SLC6A11: variants seen among roughly 807,000 people sequenced by gnomAD.
The protein encoded by SLC6A11 is sodium- and chloride-dependent GABA transporter 3.
In SLC6A11, 25 loss-of-function variants were observed where a neutral mutation model predicts 74.8. That is an observed-to-expected ratio of 0.33 (90% confidence interval 0.24 to 0.47). The LOEUF is 0.47. SLC6A11 is among the 20% of genes least tolerant of loss of function. The pLI is 1.00. For synonymous variants in SLC6A11, 330 were observed against 330.2 expected (o/e 1.00, Z 0.01); for missense variants, 574 against 837.0 (o/e 0.69, Z 3.88).
chr3:10,834,129 T>G (rs968275552), intron 4 of SLC6A11, among the ~76,000 whole-genome samples: 1 of 152,216 alleles, frequency 6.6e-6, no homozygotes, highest in Admixed American at 6.5e-5. Context: ...TCTGAGGGCA[T>G]GAGAGATTAA....
chr3:10,866,035 G>C (rs1694759205), intron 5 of SLC6A11, among the ~76,000 whole-genome samples: 1 of 152,192 alleles, frequency 6.6e-6, no homozygotes, highest in Non-Finnish European at 1.5e-5. Flanking sequence ...GAGAACAGAA[G>C]CATAAACAGG....
intron 12 of SLC6A11, 80 bp downstream of exon 12, chr3:10,934,246 C>A: frequency 1.0e-6 from 1 of 975,436 alleles, no homozygotes; most frequent in Non-Finnish European, 1.6e-6. Context: ...TCCGTAGCCC[C>A]CACCCTGGCC....
chr3:10,879,408 A>G (rs1694948437), intron 6 of SLC6A11, among the ~76,000 whole-genome samples: 1 of 152,178 alleles, frequency 6.6e-6, no homozygotes, highest in Non-Finnish European at 1.5e-5. Flanking sequence ...GTGTGGCCTA[A>G]TTCCAACTGT....
chr3:10,837,563 G>T (rs1044104150), intron 4 of SLC6A11, among the ~76,000 whole-genome samples: 1 of 152,202 alleles, frequency 6.6e-6, no homozygotes, highest in Non-Finnish European at 1.5e-5. Context: ...AATAATAGCT[G>T]TCCTCACCTG....
intron 4 of SLC6A11, among the ~76,000 whole-genome samples, 156 bp from the exon 5 acceptor site, chr3:10,844,058 T>G (rs1350360797): frequency 6.6e-6 from 1 of 152,212 alleles, no homozygotes; most frequent in Non-Finnish European, 1.5e-5. Context: ...GTCTTGTTCC[T>G]CTTGGAGGCC....
At chr3:10,854,308 G>C (rs910707026) in intron 5 of SLC6A11, among the ~76,000 whole-genome samples, 2 of 152,140 alleles carry the variant, frequency 1.3e-5, no homozygotes, top group Non-Finnish European at 2.9e-5. Flanking sequence ...AGAACCACTT[G>C]AACCTAGGAG....
At chr3:10,898,707 T>A (rs1255227611) in intron 6 of SLC6A11, among the ~76,000 whole-genome samples, 1 of 152,204 alleles carries the variant, frequency 6.6e-6, no homozygotes, top group South Asian at 2.1e-4. Context: ...TTTCCCACAT[T>A]GTTCTATCTT....
intron 6 of SLC6A11, among the ~76,000 whole-genome samples, chr3:10,886,543 C>A (rs547332327): frequency 6.6e-6 from 1 of 152,322 alleles, no homozygotes; most frequent in South Asian, 2.1e-4. Flanking sequence ...TATGGTGGCT[C>A]ATGCCTGTAA....
intron 5 of SLC6A11, among the ~76,000 whole-genome samples, chr3:10,862,587 A>G (rs748649107): frequency 6.6e-6 from 1 of 152,120 alleles, no homozygotes; most frequent in Non-Finnish European, 1.5e-5. Flanking sequence ...ATTTTTCCCA[A>G]CCTGGAGAAC....
chr3:10,858,377 G>A (rs1694662998), intron 5 of SLC6A11, among the ~76,000 whole-genome samples: 1 of 152,208 alleles, frequency 6.6e-6, no homozygotes. Context: ...CACAGGAAGT[G>A]GAACATGCAG....
At chr3:10,934,300 C>A in intron 12 of SLC6A11, 134 bp downstream of exon 12, 1 of 627,286 alleles carries the variant, frequency 1.6e-6, no homozygotes, top group Non-Finnish European at 2.8e-6. Context: ...TTCAGGCCAC[C>A]TTACAAAGCT....
chr3:10,909,875 A>G (rs1270530254), intron 6 of SLC6A11, among the ~76,000 whole-genome samples: 1 of 152,158 alleles, frequency 6.6e-6, no homozygotes, highest in African/African-American at 2.4e-5. Flanking sequence ...TTTTTTCTCC[A>G]CTGGACCTTT....
intron 6 of SLC6A11, among the ~76,000 whole-genome samples, chr3:10,900,555 C>T (rs143694931): frequency 7.4e-4 from 113 of 152,314 alleles, no homozygotes; most frequent in Admixed American, 1.8e-3. Flanking sequence ...TTTTCTTTTC[C>T]GTTCTCCTCC....
intron 5 of SLC6A11, among the ~76,000 whole-genome samples, chr3:10,848,667 A>G (rs1255034919): frequency 6.6e-6 from 1 of 152,224 alleles, no homozygotes; most frequent in Non-Finnish European, 1.5e-5. Context: ...GACACTGGAC[A>G]GCCTTGTCTC....
chr3:10,840,363 C>G (rs1278730568), intron 4 of SLC6A11, among the ~76,000 whole-genome samples: 1 of 152,190 alleles, frequency 6.6e-6, no homozygotes, highest in Non-Finnish European at 1.5e-5. Context: ...ACCCCCAACC[C>G]CACACTCTGA....
intron 13 of SLC6A11, 92 bp from the exon 14 acceptor site, chr3:10,938,158 A>G: frequency 8.0e-7 from 1 of 1,246,512 alleles, no homozygotes; most frequent in East Asian, 2.4e-5. Context: ...TCCAGCACCC[A>G]GATGTCCGCC....
At chr3:10,873,950 ATGCTATGCTACG>A (rs1694874795) in intron 5 of SLC6A11, among the ~76,000 whole-genome samples, 1 of 151,130 alleles carries the variant, frequency 6.6e-6, no homozygotes, top group African/African-American at 2.4e-5. Flanking sequence ...ATGCTATCCT[ATGCTATGCTACG>A]CTATGCTATG....
At chr3:10,906,165 G>GT (rs1191081421) in intron 6 of SLC6A11, among the ~76,000 whole-genome samples, 1 of 151,886 alleles carries the variant, frequency 6.6e-6, no homozygotes, top group Non-Finnish European at 1.5e-5. Flanking sequence ...TCAGATCTGG[G>GT]TATTCGTCTC....
rs1218677859 is a variant in SLC6A11, at chr3:10,816,356, G to A, written c.91G>A (p.Gly31Arg). Residue 31 changes from glycine (G) to arginine (R), a missense_variant, in exon 1 of 14, where the codon GGG (glycine) becomes AGG (arginine). Physicochemically the swap from Gly to Arg is moderately radical, Grantham distance 125 (BLOSUM62 -2). Transcript: ENST00000254488. This position sits in a 1 kb window ranked among gnomAD's most constrained non-coding sequence, Gnocchi z 4.2. The part of the protein sequence containing the change: ...SEAPGGGCSS[G>R]GAAPARHPRV... ...GGCGCCGGGTGGCGGCTGCAGCAGC[G>A]GGGGCGCGGCGCCCGCGCGCCACCC... is the stretch of plus-strand genomic sequence containing the variant. 3 of 1,458,070 alleles carry A rather than the reference G, an allele frequency of 2.1e-6. No individual in the cohort carries two copies. Among genetic ancestry groups the A allele is most frequent in the African/African-American group, 1.5e-5 (1 of 67,210 alleles). The allele number at this position is 1,458,070 out of a possible 1,614,324, so 90.3% of individuals were successfully genotyped here.
Sources: gnomAD v4.1 joint callset for allele counts (sites outside exome capture counted in the v4.1 genomes callset) on GRCh38, gnomAD v4.1.1 for gene constraint, Gnocchi (gnomAD v3.1) non-coding constraint, MANE v1.5 for transcripts, NCBI Gene and HGNC (gene_info 2026-07-23, HGNC 2026-07-21) for gene names.